MAGI2: variants seen among roughly 807,000 people sequenced by gnomAD.
MAGI2 encodes the protein membrane-associated guanylate kinase, WW and PDZ domain-containing protein 2.
In MAGI2, 35 loss-of-function variants were observed where a neutral mutation model predicts 133.3. The observed-to-expected ratio is 0.26, with a 90% CI of 0.20 to 0.35. MAGI2 has a LOEUF of 0.35. Among genes scored for constraint, MAGI2 ranks in the 10% least tolerant of loss-of-function variants. The probability of loss-of-function intolerance (pLI) is 1.00; values close to 1 mark genes in which losing one functional copy is unlikely to be tolerated. For missense variants in MAGI2, 1,636 were observed against 1,863.4 expected (o/e 0.88, Z 2.25); for synonymous variants, 729 against 710.6 (o/e 1.03, Z -0.41).
At chr7:79,016,730 A>G (rs1305921320) in intron 1 of MAGI2, among the ~76,000 whole-genome samples, 1 of 152,090 alleles carries the variant, frequency 6.6e-6, no homozygotes, top group Non-Finnish European at 1.5e-5. Context: ...TGCCATTGCT[A>G]TTGGAGCATT....
At chr7:78,736,385 T>C (rs1821847268) in intron 2 of MAGI2, among the ~76,000 whole-genome samples, 1 of 152,160 alleles carries the variant, frequency 6.6e-6, no homozygotes, top group South Asian at 2.1e-4. Context: ...TGTTCAGAGG[T>C]TAATATTTGG....
intron 1 of MAGI2, among the ~76,000 whole-genome samples, chr7:79,156,618 G>T (rs964197027): frequency 3.9e-5 from 6 of 151,918 alleles, no homozygotes; most frequent in Non-Finnish European, 5.9e-5. Flanking sequence ...GCTTCAAATT[G>T]CCCCACCTTT....
intron 1 of MAGI2, among the ~76,000 whole-genome samples, chr7:79,157,463 A>T (rs1359241001): frequency 6.6e-6 from 1 of 151,888 alleles, no homozygotes; most frequent in African/African-American, 2.4e-5. Context: ...GGTGGAAATG[A>T]CTCAATGGTG....
intron 20 of MAGI2, among the ~76,000 whole-genome samples, chr7:78,097,464 C>T (rs963510037): frequency 3.3e-5 from 5 of 152,054 alleles, no homozygotes; most frequent in African/African-American, 9.7e-5. Flanking sequence ...ACCTACACAC[C>T]GTGGAATACC....
chr7:78,020,105 C>T, intron 21 of MAGI2, 129 bp from the exon 22 acceptor site: 1 of 774,888 alleles, frequency 1.3e-6, no homozygotes, highest in Non-Finnish European at 1.9e-6. Context: ...CCGCCCCCAC[C>T]CCCACCCCCA....
chr7:78,324,158 TACACTACACTAC>T (rs1462879479), intron 9 of MAGI2, among the ~76,000 whole-genome samples: 50 of 139,230 alleles, frequency 3.6e-4, no homozygotes, highest in South Asian at 1.1e-3. Context: ...CACTACACAC[TACACTACACTAC>T]ACACTACACT....
intron 2 of MAGI2, among the ~76,000 whole-genome samples, chr7:78,893,882 TA>T (rs1195819169): frequency 7.2e-5 from 11 of 151,856 alleles, no homozygotes; most frequent in African/African-American, 2.4e-4. Context: ...ATAATAATAA[TA>T]AAAAAAAGAA....
At chr7:78,281,709 T>C (rs138202865) in intron 9 of MAGI2, among the ~76,000 whole-genome samples, 71 of 152,278 alleles carry the variant, frequency 4.7e-4, no homozygotes, top group African/African-American at 1.6e-3. Flanking sequence ...GTGAACTCAC[T>C]CTCTGTATTC....
intron 6 of MAGI2, among the ~76,000 whole-genome samples, chr7:78,373,015 G>A (rs181289044): frequency 1.3e-5 from 2 of 152,018 alleles, no homozygotes; most frequent in Non-Finnish European, 2.9e-5. Context: ...AACAGTCGGG[G>A]TTCCGTTGTG....
At chr7:79,284,442 G>C (rs1230507039) in intron 1 of MAGI2, among the ~76,000 whole-genome samples, 1 of 152,018 alleles carries the variant, frequency 6.6e-6, no homozygotes, top group East Asian at 1.9e-4. Flanking sequence ...CACCCCACTA[G>C]ACCACATATC....
chr7:79,314,328 C>T (rs1409511241), intron 1 of MAGI2, among the ~76,000 whole-genome samples: 3 of 151,886 alleles, frequency 2.0e-5, no homozygotes, highest in Non-Finnish European at 2.9e-5. Context: ...ATGCTGGTCT[C>T]AAACTCCTGA....
intron 6 of MAGI2, among the ~76,000 whole-genome samples, chr7:78,470,711 T>C (rs916065187): frequency 2.6e-5 from 4 of 152,010 alleles, no homozygotes; most frequent in African/African-American, 9.7e-5. Context: ...CCACAGAAAA[T>C]AGAAACATAG....
At chr7:79,312,067 T>A (rs1189545460) in intron 1 of MAGI2, among the ~76,000 whole-genome samples, 1 of 152,172 alleles carries the variant, frequency 6.6e-6, no homozygotes, top group Non-Finnish European at 1.5e-5. Flanking sequence ...ATGTCACTCA[T>A]CTGTTCAAAA....
intron 2 of MAGI2, among the ~76,000 whole-genome samples, chr7:78,765,341 A>ATTTTTT (rs1443309496): frequency 4.6e-5 from 2 of 43,758 alleles, no homozygotes; most frequent in African/African-American, 1.9e-4. Flanking sequence ...TTTAGTGCAC[A>ATTTTTT]TCTTTTTTTT....
At position 78,899,885 on chromosome 7, in the gene MAGI2, C is replaced by T. The variant is rs549973429; in HGVS notation, c.418+107205G>A. 9.9e-5 allele frequency among the ~76,000 whole-genome samples: 15 copies of T among 152,262 alleles called. No individual in the cohort carries two copies. In the South Asian group the frequency reaches 1.9e-3, roughly 19 times the overall value. On this transcript the variant is annotated intron_variant, in intron 2 of 21. Coordinates refer to ENST00000354212, the MANE Select transcript of MAGI2 (RefSeq NM_012301.4). Reference sequence around the variant, plus strand: ...AAAAACATGTTTATTAATTTGTTCACTTGCCAAAAGAGCTCAGAAATTAGA... The same window carrying T: ...AAAAACATGTTTATTAATTTGTTCATTTGCCAAAAGAGCTCAGAAATTAGA...
intron 2 of MAGI2, among the ~76,000 whole-genome samples, chr7:78,879,525 G>A (rs1795680209): frequency 6.6e-6 from 1 of 151,986 alleles, no homozygotes; most frequent in South Asian, 2.1e-4. Context: ...AATTAGGGAG[G>A]AGGGCAAGAG....
At chr7:78,904,806 C>T (rs186174338) in intron 2 of MAGI2, among the ~76,000 whole-genome samples, 190 of 152,226 alleles carry the variant, frequency 1.2e-3, no homozygotes, top group Middle Eastern at 3.4e-3. Flanking sequence ...CCCCTGGCCC[C>T]CGGGCAATAA....
In MAGI2 at chr7:79,360,113, G is replaced by T. The variant is rs848957; in HGVS notation, c.301+92907C>A. ...CAAGAACAATGTTAACATCACACAA[G>T]GTATTCTACATTTTCTAGGATATGA... On this transcript the variant is annotated intron_variant, in intron 1 of 21. Transcript: ENST00000354212. 2.0e-3 allele frequency among the ~76,000 whole-genome samples: 298 copies of T among 152,102 alleles called. 3 individuals carry two copies. The highest frequency in any genetic ancestry group is 7.0e-3 in the African/African-American group (289 of 41,490).
chr7:78,074,076 T>C (rs572900435), intron 21 of MAGI2, among the ~76,000 whole-genome samples: 1 of 152,280 alleles, frequency 6.6e-6, no homozygotes, highest in Admixed American at 6.5e-5. Context: ...ATTTTCCGAC[T>C]CCTCTTGCAG....
Sources: gnomAD v4.1 joint callset for allele counts (sites outside exome capture counted in the v4.1 genomes callset) on GRCh38, gnomAD v4.1.1 for gene constraint, MANE v1.5 for transcripts, NCBI Gene and HGNC (gene_info 2026-07-23, HGNC 2026-07-21) for gene names.